The following COL19A1 variants were observed in gnomAD, a reference collection of about 807,000 sequenced individuals.
COL19A1 encodes collagen alpha-1(XIX) chain.
Under a neutral mutation model 190.2 loss-of-function variants are expected in COL19A1, and 159 were observed. That is an observed-to-expected ratio of 0.84 (90% CI 0.73 to 0.95). The LOEUF is 0.95. Among genes scored for constraint, COL19A1 ranks in the 40% least tolerant of loss-of-function variants. COL19A1 has a pLI of 0.00. For missense variants in COL19A1, 1,418 were observed against 1,431.9 expected, an observed-to-expected ratio of 0.99 and a Z score of 0.16; for synonymous variants, 509 against 458.9, an observed-to-expected ratio of 1.11 and a Z score of -1.39.
chr6:70,183,631 A>G (rs998275921), intron 44 of COL19A1, among the ~76,000 whole-genome samples: 2 of 152,184 alleles, frequency 1.3e-5, no homozygotes, highest in African/African-American at 4.8e-5. Context: ...CATACACTTC[A>G]GGTAACATGT....
intron 11 of COL19A1, among the ~76,000 whole-genome samples, chr6:69,994,271 G>C (rs1035353236): frequency 3.3e-5 from 5 of 152,098 alleles, no homozygotes; most frequent in Admixed American, 6.6e-5. Flanking sequence ...TAAATTCCTA[G>C]CTCTTTTCAT....
intron 23 of COL19A1, among the ~76,000 whole-genome samples, chr6:70,143,258 A>C (rs1786381556): frequency 6.6e-6 from 1 of 152,210 alleles, no homozygotes. Context: ...CTTCCAAAAA[A>C]AGCAAGTCTT....
intron 30 of COL19A1, among the ~76,000 whole-genome samples, chr6:70,151,000 T>A (rs1787024009): frequency 6.6e-6 from 1 of 152,198 alleles, no homozygotes; most frequent in Non-Finnish European, 1.5e-5. Flanking sequence ...ACTTTTCATA[T>A]TTCTCAACAG....
Position 69,879,615 on chromosome 6 carries a change from T to C in COL19A1, c.48T>C (p.Phe16=). 6.2e-7 allele frequency: 1 copy of C among 1,614,190 alleles called. No individual in the cohort carries two copies. The highest frequency in any genetic ancestry group is 1.1e-5 in the South Asian group (1 of 91,080). Residue 16 remains phenylalanine, a synonymous_variant, in exon 2 of 51, where the codon TTT becomes TTC. Transcript: ENST00000620364. Reference sequence around the variant, plus strand: ...AACTTTGGCTTTGGATGTCAATATTTCTGCTTCCTGCTTCCACTTCCGTGA... The same window carrying C: ...AACTTTGGCTTTGGATGTCAATATTCCTGCTTCCTGCTTCCACTTCCGTGA... The part of the protein sequence containing the change: ...PWKLWLWMSI[F]LLPASTSVTV...
intron 9 of COL19A1, among the ~76,000 whole-genome samples, chr6:69,954,506 T>C (rs937407159): frequency 2.0e-5 from 3 of 152,080 alleles, no homozygotes; most frequent in Admixed American, 6.6e-5. Flanking sequence ...AACACTTCAG[T>C]GAAAGTCCTT....
At chr6:70,150,132 T>A in intron 30 of COL19A1, 87 bp downstream of exon 30, 2 of 1,315,634 alleles carry the variant, frequency 1.5e-6, no homozygotes, top group Non-Finnish European at 2.2e-6. Flanking sequence ...CTGTCCAAAC[T>A]AATTAGAATG....
intron 6 of COL19A1, among the ~76,000 whole-genome samples, chr6:69,931,072 T>C (rs1772730896): frequency 6.6e-6 from 1 of 152,200 alleles, no homozygotes; most frequent in South Asian, 2.1e-4. Context: ...TTGAATGGAT[T>C]AATTTTTCAT....
intron 4 of COL19A1, among the ~76,000 whole-genome samples, chr6:69,921,524 ATATATTCATG>A (rs1561998910): frequency 2.4e-5 from 3 of 124,500 alleles, no homozygotes; most frequent in African/African-American, 9.0e-5. Context: ...GTATATTCAT[ATATATTCATG>A]TATATTCATA....
intron 14 of COL19A1, among the ~76,000 whole-genome samples, chr6:70,045,312 CA>C (rs34047162): frequency 0.2 from 14,026 of 69,184 alleles, 795 homozygotes; most frequent in African/African-American, 0.37. Flanking sequence ...GACTCTGTCT[CA>C]AAAAAAAAAA....
intron 16 of COL19A1, among the ~76,000 whole-genome samples, chr6:70,113,842 C>CTTTT (rs34876942): frequency 9.9e-3 from 635 of 63,936 alleles, no homozygotes; most frequent in East Asian, 0.017. Context: ...CCAAGTCTTT[C>CTTTT]TTTTTTTTTT....
At chr6:70,151,023 T>C (rs556522092) in intron 30 of COL19A1, among the ~76,000 whole-genome samples, 130 of 152,292 alleles carry the variant, frequency 8.5e-4, no homozygotes, top group African/African-American at 2.9e-3. Flanking sequence ...TGATAGTGTG[T>C]TCGCCAGAGG....
intron 17 of COL19A1, among the ~76,000 whole-genome samples, chr6:70,125,961 A>G (rs1582974181): frequency 1.3e-5 from 2 of 151,444 alleles, no homozygotes; most frequent in South Asian, 4.2e-4. Flanking sequence ...TTAAATGGAG[A>G]AAAAAAAATA....
chr6:69,982,639 G>T lies in COL19A1; in HGVS notation c.1026+19769G>T, dbSNP rs115858427. ...TCACCAGGCTCTTTAAGATTATCTTGGGTATCCTAGAACCTTGGCATTTTC... is the reference window on the plus strand; with the variant it reads ...TCACCAGGCTCTTTAAGATTATCTTTGGTATCCTAGAACCTTGGCATTTTC... On this transcript the variant is annotated intron_variant, in intron 11 of 50. Coordinates refer to ENST00000620364, the MANE Select transcript of COL19A1 (RefSeq NM_001858.6). 1.1e-3 allele frequency among the ~76,000 whole-genome samples: 168 copies of T among 151,846 alleles called. 1 individual carries two copies. Among genetic ancestry groups the T allele is most frequent in the African/African-American group, 4.0e-3 (166 of 41,390 alleles).
intron 14 of COL19A1, among the ~76,000 whole-genome samples, chr6:70,043,217 A>G (rs1779722507): frequency 6.8e-6 from 1 of 146,814 alleles, no homozygotes; most frequent in Non-Finnish European, 1.5e-5. Flanking sequence ...TTTGAGAAGG[A>G]GTCTCGCTCT....
intron 2 of COL19A1, among the ~76,000 whole-genome samples, chr6:69,887,337 GT>G (rs1327624021): frequency 6.6e-6 from 1 of 152,070 alleles, no homozygotes; most frequent in African/African-American, 2.4e-5. Context: ...TAAGAATGGA[GT>G]TTTTTTGAGT....
Position 70,180,460 on chromosome 6 carries a change from G to C in COL19A1, c.2713-1G>C, listed in dbSNP as rs1234742130. ...ATTTGTGTCTGTGGATGTGTTTATA[G>C]GGTGAGAGAGGACCTGTTGGAGATA... On this transcript the variant is annotated splice_acceptor_variant, in intron 43 of 50. Coordinates refer to ENST00000620364, the MANE Select transcript of COL19A1 (RefSeq NM_001858.6). LOFTEE classifies it high-confidence loss of function. 1.9e-6 allele frequency: 3 copies of C among 1,614,084 alleles called. No individual in the cohort carries two copies. Among genetic ancestry groups the C allele is most frequent in the Non-Finnish European group, 1.7e-6 (2 of 1,179,992 alleles).
At chr6:69,928,125 C>A in intron 5 of COL19A1, 93 bp downstream of exon 5, 1 of 1,499,984 alleles carries the variant, frequency 6.7e-7, no homozygotes, top group Non-Finnish European at 9.1e-7. Context: ...GCGAGTAGAT[C>A]TAGTATCCAA....
chr6:69,873,536 A>G (rs374611468), intron 1 of COL19A1, among the ~76,000 whole-genome samples: 1 of 152,276 alleles, frequency 6.6e-6, no homozygotes, highest in East Asian at 1.9e-4. Flanking sequence ...CTGCTCTGTT[A>G]CATTCTAACT....
intron 47 of COL19A1, 52 bp downstream of exon 47, chr6:70,188,297 C>T: frequency 6.6e-7 from 1 of 1,519,406 alleles, no homozygotes; most frequent in Non-Finnish European, 8.8e-7. Flanking sequence ...GACCATGTAT[C>T]CCTTTTACAA....
Sources: allele counts gnomAD v4.1 joint callset (sites outside exome capture counted in the v4.1 genomes callset), GRCh38; gene constraint gnomAD v4.1.1; transcripts MANE v1.5; gene names NCBI Gene and HGNC (gene_info 2026-07-23, HGNC 2026-07-21).